Variants in VEPH1 observed in about 807,000 individuals in gnomAD.
VEPH1 encodes the protein ventricular zone-expressed PH domain-containing protein homolog 1.
A neutral mutation model predicts 85.2 loss-of-function variants in VEPH1; 80 were observed. The observed-to-expected ratio is 0.94, with a 90% confidence interval of 0.78 to 1.13. The LOEUF (loss-of-function observed/expected upper bound fraction) is 1.13. VEPH1 is among the 50% of genes most tolerant of loss of function. The pLI is 0.00. For missense variants in VEPH1, 955 were observed against 980.5 expected, an observed-to-expected ratio of 0.97 and a Z score of 0.35; for synonymous variants, 297 against 348.0, an observed-to-expected ratio of 0.85 and a Z score of 1.63.
At chr3:157,346,853 C>G (rs554049954) in intron 9 of VEPH1, among the ~76,000 whole-genome samples, 414 of 152,230 alleles carry the variant, frequency 2.7e-3, no homozygotes, top group African/African-American at 9.5e-3. Context: ...TGGGCTCAAG[C>G]TATCCTATTG....
intron 9 of VEPH1, among the ~76,000 whole-genome samples, chr3:157,343,777 A>G (rs1723875513): frequency 6.6e-6 from 1 of 152,246 alleles, no homozygotes; most frequent in African/African-American, 2.4e-5. Flanking sequence ...AAAAATCCTC[A>G]ATAAAATACT....
chr3:157,481,463 CACAAAAA>C (rs751021315), intron 2 of VEPH1, among the ~76,000 whole-genome samples: 1 of 54,540 alleles, frequency 1.8e-5, no homozygotes, highest in East Asian at 6.5e-4. Context: ...CACACACACA[CACAAAAA>C]AAAAAAAAAA....
At chr3:157,416,087 C>A (rs1031946944) in intron 5 of VEPH1, among the ~76,000 whole-genome samples, 5 of 152,086 alleles carry the variant, frequency 3.3e-5, no homozygotes, top group African/African-American at 4.8e-5. Flanking sequence ...TATTGGATAC[C>A]TAATGCCTTA....
At chr3:157,355,095 A>G (rs939713164) in intron 9 of VEPH1, among the ~76,000 whole-genome samples, 1 of 151,986 alleles carries the variant, frequency 6.6e-6, no homozygotes, top group Non-Finnish European at 1.5e-5. Context: ...TACTCTTCAC[A>G]TTTCTCAAGA....
chr3:157,338,842 TG>T (rs1723223001), intron 9 of VEPH1, among the ~76,000 whole-genome samples: 1 of 152,244 alleles, frequency 6.6e-6, no homozygotes, highest in Non-Finnish European at 1.5e-5. Context: ...AGTCAGGTGC[TG>T]GGCAGACTTG....
chr3:157,386,250 C>CAAAAAAAAAAAAAAAAAAAAAAA lies in VEPH1; in HGVS notation c.907-4897_907-4875dup, dbSNP rs71302265. 5.2e-5 allele frequency among the ~76,000 whole-genome samples: 2 copies of CAAAAAAAAAAAAAAAAAAAAAAA among 38,484 alleles called. 1 individual carries two copies. Among genetic ancestry groups the CAAAAAAAAAAAAAAAAAAAAAAA allele is most frequent in the Non-Finnish European group, 8.6e-5 (2 of 23,356 alleles). The allele number at this position is 38,484 out of a possible 152,430, so 25.2% of individuals were successfully genotyped here. On this transcript the variant is annotated intron_variant, in intron 6 of 13. Transcript: ENST00000362010. ...GTTACTTCAAGTAAAAATGGTTCCA[C>CAAAAAAAAAAAAAAAAAAAAAAA]AAAAAAAAAAAAAAAAAAAAAAAAG...
intron 6 of VEPH1, among the ~76,000 whole-genome samples, chr3:157,394,760 C>T (rs1317559793): frequency 6.6e-6 from 1 of 152,146 alleles, no homozygotes; most frequent in African/African-American, 2.4e-5. Flanking sequence ...GAAACTAAGA[C>T]CTCTAAGCCA....
At chr3:157,468,731 C>T (rs573288802) in intron 3 of VEPH1, among the ~76,000 whole-genome samples, 51 of 151,992 alleles carry the variant, frequency 3.4e-4, no homozygotes, top group Middle Eastern at 3.4e-3. Context: ...TTTCTTTTTA[C>T]GTAAGTGGCT....
At chr3:157,441,179 A>G (rs1293079719) in intron 4 of VEPH1, among the ~76,000 whole-genome samples, 2 of 152,214 alleles carry the variant, frequency 1.3e-5, no homozygotes, top group Admixed American at 1.3e-4. Context: ...TAGGGGTTCT[A>G]TTAATAAGAG....
chr3:157,376,955 A>G (rs1728191635), intron 7 of VEPH1, among the ~76,000 whole-genome samples: 1 of 152,174 alleles, frequency 6.6e-6, no homozygotes, highest in African/African-American at 2.4e-5. Flanking sequence ...CTTTAGACAA[A>G]AGTGCAGACC....
At chr3:157,496,985 T>C (rs1739719330) in intron 1 of VEPH1, among the ~76,000 whole-genome samples, 1 of 152,194 alleles carries the variant, frequency 6.6e-6, no homozygotes, top group Non-Finnish European at 1.5e-5. Context: ...TCCTCATAAC[T>C]ATATGAAAAT....
At chr3:157,411,119 T>A (rs1731497984) in intron 6 of VEPH1, among the ~76,000 whole-genome samples, 1 of 152,140 alleles carries the variant, frequency 6.6e-6, no homozygotes, top group African/African-American at 2.4e-5. Flanking sequence ...ACTGATGCAA[T>A]GGGTGGAGAC....
At chr3:157,463,755 G>T (rs770230814) in intron 3 of VEPH1, among the ~76,000 whole-genome samples, 1 of 152,186 alleles carries the variant, frequency 6.6e-6, no homozygotes, top group Non-Finnish European at 1.5e-5. Context: ...CCCAGTGAGA[G>T]GCTTTCATAG....
At chr3:157,268,213 G>T (rs1377166023) in intron 12 of VEPH1, among the ~76,000 whole-genome samples, 1 of 152,180 alleles carries the variant, frequency 6.6e-6, no homozygotes, top group Non-Finnish European at 1.5e-5. Flanking sequence ...CAGTTAAAGT[G>T]CTTAGGGCAC....
intron 5 of VEPH1, among the ~76,000 whole-genome samples, chr3:157,418,215 C>T (rs1257236933): frequency 6.6e-6 from 1 of 152,182 alleles, no homozygotes; most frequent in Non-Finnish European, 1.5e-5. Flanking sequence ...AGGGCCCAAA[C>T]AGAATGCTCT....
intron 6 of VEPH1, chr3:157,413,383 G>A (rs1354233477): frequency 2.8e-5 from 22 of 772,686 alleles, no homozygotes; most frequent in Non-Finnish European, 3.5e-5. Context: ...CTGAACCCAG[G>A]CACTTATTGA....
chr3:157,451,461 G>A (rs781177374), intron 4 of VEPH1, among the ~76,000 whole-genome samples: 3 of 152,072 alleles, frequency 2.0e-5, no homozygotes, highest in Non-Finnish European at 4.4e-5. Context: ...AAATAAATGT[G>A]TACTTAAACT....
chr3:157,272,646 G>A (rs1250845128), intron 12 of VEPH1, among the ~76,000 whole-genome samples: 1 of 151,334 alleles, frequency 6.6e-6, no homozygotes, highest in African/African-American at 2.4e-5. Flanking sequence ...TTTTATTTTT[G>A]TAGAAATGGG....
chr3:157,446,149 G>C (rs1273693765), intron 4 of VEPH1, among the ~76,000 whole-genome samples: 2 of 151,804 alleles, frequency 1.3e-5, no homozygotes, highest in African/African-American at 4.8e-5. Context: ...CAAGCTATTA[G>C]GAGGAAAGAT....
Sources: allele counts gnomAD v4.1 joint callset (sites outside exome capture counted in the v4.1 genomes callset), GRCh38; gene constraint gnomAD v4.1.1; transcripts MANE v1.5; gene names NCBI Gene and HGNC (gene_info 2026-07-23, HGNC 2026-07-21).